LMLN: variants seen among roughly 807,000 people sequenced by gnomAD.
LMLN encodes leishmanolysin-like peptidase.
Under a neutral mutation model 92.3 loss-of-function variants are expected in LMLN, and 70 were observed. That is an observed-to-expected ratio of 0.76 (90% CI 0.63 to 0.92). The LOEUF is 0.92. LMLN is among the 40% of genes least tolerant of loss of function. The pLI, the probability that LMLN is intolerant of heterozygous loss-of-function variation, is 0.00. For missense variants in LMLN, 691 were observed against 814.6 expected, an observed-to-expected ratio of 0.85 and a Z score of 1.85; for synonymous variants, 308 against 296.2, an observed-to-expected ratio of 1.04 and a Z score of -0.41.
intron 1 of LMLN, among the ~76,000 whole-genome samples, chr3:197,973,723 A>G (rs1419624711): frequency 6.6e-6 from 1 of 152,246 alleles, no homozygotes; most frequent in Non-Finnish European, 1.5e-5. Flanking sequence ...GTAGTTTTCT[A>G]CAAAATATAG....
rs770478553 is a variant in LMLN at position 197,960,454 on chromosome 3, G to T, written c.219+14G>T. 2 of 1,609,410 alleles carry T rather than the reference G, an allele frequency of 1.2e-6. No individual in the cohort carries two copies. Among genetic ancestry groups the T allele is most frequent in the African/African-American group, 2.7e-5 (2 of 74,838 alleles). ...TCTGACACTGAGGTAGGGCGACATG[G>T]GCGGGAGCGGGCCCTCTCAGGGTAA... On this transcript the variant is annotated intron_variant, in intron 1 of 15. Coordinates refer to ENST00000330198, the Ensembl canonical transcript of LMLN.
At chr3:198,028,816 T>C (rs1723002534) in intron 14 of LMLN, among the ~76,000 whole-genome samples, 1 of 152,250 alleles carries the variant, frequency 6.6e-6, no homozygotes, top group South Asian at 2.1e-4. Flanking sequence ...GTTTCTTGCA[T>C]CCTTCTAAAG....
intron 6 of LMLN, among the ~76,000 whole-genome samples, chr3:197,981,189 T>A (rs1283231472): frequency 6.6e-6 from 1 of 151,596 alleles, no homozygotes; most frequent in Non-Finnish European, 1.5e-5. Context: ...GGGTGGATCA[T>A]GGTGAAACTC....
intron 10 of LMLN, 69 bp from the exon 11 acceptor site, chr3:197,999,197 G>T: frequency 9.3e-7 from 1 of 1,080,312 alleles, no homozygotes. Flanking sequence ...ATGTATATCA[G>T]AGGAATTGCA....
exon 16 of LMLN, chr3:198,040,422 G>GAAAAGAA (rs1326820447): frequency 6.6e-6 from 1 of 152,110 alleles, no homozygotes; most frequent in African/African-American, 2.4e-5. Flanking sequence ...ACAAGAATAT[G>GAAAAGAA]AAAAGAAAAA....
exon 10 of LMLN, chr3:197,996,180 A>G (rs1291660446): frequency 6.4e-7 from 1 of 1,554,640 alleles, no homozygotes; most frequent in Non-Finnish European, 8.7e-7. Context: ...CTTAGGAGGA[A>G]GCACGAAAAC....
chr3:197,975,998 CTG>C (rs1170914444), intron 3 of LMLN, 29 bp from the exon 4 acceptor site: 1 of 1,265,420 alleles, frequency 7.9e-7, no homozygotes, highest in African/African-American at 1.5e-5. Context: ...CCTTATAATT[CTG>C]TTTCTTTTTT....
rs375510964 is a variant in LMLN, at chr3:197,987,460, A to G, written c.929+1570A>G. The stretch of plus-strand genomic sequence containing the variant: ...AGGCGTGAGCCACCGCGCCCGGCCA[A>G]AATTTTTACAAAACAGTATTGGAAA... On this transcript the variant is annotated intron_variant, in intron 8 of 15. Coordinates refer to ENST00000330198, the Ensembl canonical transcript of LMLN. Among the ~76,000 whole-genome samples, 9 of 152,196 alleles carry G rather than the reference A, an allele frequency of 5.9e-5. No individual in the cohort carries two copies. In the East Asian group the frequency reaches 1.5e-3, roughly 26 times the overall value.
At chr3:198,021,012 T>C (rs1310741381) in intron 12 of LMLN, among the ~76,000 whole-genome samples, 1 of 152,002 alleles carries the variant, frequency 6.6e-6, no homozygotes, top group African/African-American at 2.4e-5. Flanking sequence ...TATGATCTCA[T>C]TTATTTTCTC....
chr3:197,990,185 C>T (rs1721826428), intron 8 of LMLN, among the ~76,000 whole-genome samples: 1 of 152,074 alleles, frequency 6.6e-6, no homozygotes, highest in South Asian at 2.1e-4. Flanking sequence ...GCCTCAGCCG[C>T]CTGTGTAGCT....
chr3:198,032,455 A>C (rs1437349123), intron 14 of LMLN, among the ~76,000 whole-genome samples: 2 of 152,210 alleles, frequency 1.3e-5, no homozygotes, highest in Admixed American at 6.5e-5. Flanking sequence ...CTGGTGTATT[A>C]GTCCATTTTG....
chr3:197,995,519 T>C (rs1457151063), intron 9 of LMLN, among the ~76,000 whole-genome samples: 1 of 152,144 alleles, frequency 6.6e-6, no homozygotes, highest in Non-Finnish European at 1.5e-5. Context: ...ACATTTCACA[T>C]GTGACATCTA....
exon 1 of LMLN, chr3:197,960,310 G>A: frequency 6.2e-7 from 1 of 1,613,854 alleles, no homozygotes; most frequent in Non-Finnish European, 8.5e-7. Flanking sequence ...AGCCGGTGGC[G>A]CTGGAGCGGG....
At chr3:198,036,024 G>C (rs1723226066) in exon 15 of LMLN, 1 of 1,613,444 alleles carries the variant, frequency 6.2e-7, no homozygotes, top group Admixed American at 1.7e-5. Context: ...CCACTAACCT[G>C]ACCCGAGCTC....
intron 14 of LMLN, among the ~76,000 whole-genome samples, chr3:198,028,993 T>TGG (rs748085704): frequency 1.3e-5 from 2 of 152,236 alleles, no homozygotes; most frequent in Non-Finnish European, 2.9e-5. Flanking sequence ...CAAGTACATT[T>TGG]GGTTGTACTT....
At chr3:197,975,248 G>T (rs559978583) in intron 3 of LMLN, among the ~76,000 whole-genome samples, 176 bp downstream of exon 3, 52 of 152,326 alleles carry the variant, frequency 3.4e-4, no homozygotes, top group African/African-American at 1.2e-3. Context: ...TGAAAACTTT[G>T]TTGGTATTGG....
chr3:198,005,682 T>A (rs957172079), intron 11 of LMLN, among the ~76,000 whole-genome samples: 1 of 151,120 alleles, frequency 6.6e-6, no homozygotes, highest in Non-Finnish European at 1.5e-5. Context: ...TTGCCCAGGC[T>A]GGAGTGCAGT....
intron 9 of LMLN, 57 bp downstream of exon 9, chr3:197,990,733 G>T (rs1285258273): frequency 8.4e-6 from 7 of 832,164 alleles, no homozygotes; most frequent in South Asian, 6.3e-5. Context: ...CTTTACTGTG[G>T]TCCTTTCTTT....
chr3:198,019,508 T>G lies in LMLN; in HGVS notation c.1365+123T>G. On this transcript the variant is annotated intron_variant, in intron 12 of 15. Transcript: ENST00000330198. The surrounding 1 kb of genome is among the most constrained non-coding windows in gnomAD (Gnocchi z 5.5). ...AAGGCCTTGTTTGTTTTCTGTAAGT[T>G]AGAAAAAAATGGAATAATGCTTCCA... 1.0e-6 allele frequency: 1 copy of G among 955,362 alleles called. No individual in the cohort carries two copies. Among genetic ancestry groups the G allele is most frequent in the African/African-American group, 1.7e-5 (1 of 60,396 alleles). The allele number at this position is 955,362 out of a possible 1,614,324, so 59.2% of individuals were successfully genotyped here.
Sources: allele counts gnomAD v4.1 joint callset (sites outside exome capture counted in the v4.1 genomes callset), GRCh38; gene constraint gnomAD v4.1.1; non-coding constraint Gnocchi (gnomAD v3.1); transcripts MANE v1.5; gene names NCBI Gene and HGNC (gene_info 2026-07-23, HGNC 2026-07-21).